The following SLC39A9 variants were observed in gnomAD, a reference collection of about 807,000 sequenced individuals.
SLC39A9 encodes solute carrier family 39 member 9.
Under a neutral mutation model 28.4 loss-of-function variants are expected in SLC39A9, and 14 were observed. The observed-to-expected ratio is 0.49, with a 90% CI of 0.33 to 0.77. The LOEUF is 0.77. SLC39A9 is among the 30% of genes least tolerant of loss of function. The pLI, the probability that SLC39A9 is intolerant of heterozygous loss-of-function variation, is 0.02. For synonymous variants in SLC39A9, 119 were observed against 149.6 expected, an observed-to-expected ratio of 0.80 and a Z score of 1.49; for missense variants, 283 against 381.1, an observed-to-expected ratio of 0.74 and a Z score of 2.14.
chr14:69,458,443 C>T lies in SLC39A9; in HGVS notation c.774C>T (p.Ala258=). 6.2e-7 allele frequency: 1 copy of T among 1,614,246 alleles called. No homozygotes were observed. Residue 258 remains alanine, a synonymous_variant, in exon 7 of 7, where the codon GCC becomes GCT. Coordinates refer to ENST00000336643, the MANE Select transcript of SLC39A9 (RefSeq NM_018375.5). Reference sequence around the variant, plus strand: ...CTGCCGGGACATTTCTTTATGTTGCCACAGTACATGTCCTCCCTGAGGTGG... The same window carrying T: ...CTGCCGGGACATTTCTTTATGTTGCTACAGTACATGTCCTCCCTGAGGTGG... ...LFSAGTFLYV[A]TVHVLPEVGG... is the part of the protein sequence containing the mutation.
chr14:69,447,678 A>G (rs1885398858), intron 3 of SLC39A9, among the ~76,000 whole-genome samples: 1 of 152,028 alleles, frequency 6.6e-6, no homozygotes, highest in South Asian at 2.1e-4. Flanking sequence ...TTGGGAGGCC[A>G]AGGTGGGTGG....
Position 69,461,965 on chromosome 14 carries a change from C to G in SLC39A9, c.*3372C>G. 2.3e-6 allele frequency: 1 copy of G among 425,984 alleles called. No individual in the cohort carries two copies. Among genetic ancestry groups the G allele is most frequent in the East Asian group, 3.4e-5 (1 of 29,644 alleles). 26.4% of individuals were successfully genotyped at this position (425,984 alleles called of 1,614,324 possible). On this transcript the variant is annotated 3_prime_UTR_variant, in exon 7 of 7. Transcript: ENST00000336643. Reference sequence around the variant, plus strand: ...AATTTCTGCTCAATACAGAATGGTCCACATCACCCAAAGTGCACTGTTGGA... The same window carrying G: ...AATTTCTGCTCAATACAGAATGGTCGACATCACCCAAAGTGCACTGTTGGA...
chr14:69,410,911 C>T (rs1186043147), intron 1 of SLC39A9, among the ~76,000 whole-genome samples: 4 of 151,642 alleles, frequency 2.6e-5, no homozygotes, highest in South Asian at 2.1e-4. Flanking sequence ...AAATGTTTTC[C>T]GTATCAAAAG....
chr14:69,438,541 G>A (rs775723426), intron 2 of SLC39A9, among the ~76,000 whole-genome samples: 4 of 152,038 alleles, frequency 2.6e-5, no homozygotes, highest in African/African-American at 4.8e-5. Flanking sequence ...TTACTCTTCT[G>A]TAATTATAGC....
intron 2 of SLC39A9, 177 bp from the exon 3 acceptor site, chr14:69,441,892 T>C: frequency 7.2e-7 from 1 of 1,388,408 alleles, no homozygotes. Flanking sequence ...CATTTGGGAA[T>C]TTTTTCATCA....
intron 1 of SLC39A9, among the ~76,000 whole-genome samples, chr14:69,420,258 G>A (rs920299067): frequency 5.9e-5 from 9 of 152,120 alleles, no homozygotes; most frequent in African/African-American, 2.2e-4. Flanking sequence ...CACTTATTAA[G>A]CTTAGTTTGG....
chr14:69,453,126 C>A, intron 3 of SLC39A9, 115 bp from the exon 4 acceptor site: 1 of 819,350 alleles, frequency 1.2e-6, no homozygotes, highest in Non-Finnish European at 2.0e-6. Context: ...CATTGGAGGT[C>A]AGGAGTTTGA....
intron 6 of SLC39A9, among the ~76,000 whole-genome samples, chr14:69,456,559 T>C (rs1422851068): frequency 1.3e-5 from 2 of 152,190 alleles, no homozygotes; most frequent in Non-Finnish European, 2.9e-5. Context: ...GAACATAGCT[T>C]CAGACCTGAG....
At chr14:69,409,730 A>G (rs561655312) in intron 1 of SLC39A9, among the ~76,000 whole-genome samples, 3 of 152,306 alleles carry the variant, frequency 2.0e-5, no homozygotes, top group South Asian at 2.1e-4. Flanking sequence ...TTTTGTCATG[A>G]TAATAGTGTT....
chr14:69,458,460 C>T lies in SLC39A9; in HGVS notation c.791C>T (p.Pro264Leu). Residue 264 changes from proline to leucine, a missense_variant, in exon 7 of 7, where the codon CCT becomes CTT. By Grantham distance (98) the Pro-to-Leu change is moderately conservative. Transcript: ENST00000336643. ...TATGTTGCCACAGTACATGTCCTCC[C>T]TGAGGTGGGCGGAATAGGGCACAGC... The part of the protein sequence containing the change: ...FLYVATVHVL[P>L]EVGGIGHSHK... 1 of 1,614,242 alleles carries T rather than the reference C, an allele frequency of 6.2e-7. No individual in the cohort carries two copies. Among genetic ancestry groups the T allele is most frequent in the Non-Finnish European group, 8.5e-7 (1 of 1,180,048 alleles).
intron 3 of SLC39A9, among the ~76,000 whole-genome samples, chr14:69,443,644 G>A (rs1253796946): frequency 1.3e-5 from 2 of 152,100 alleles, no homozygotes; most frequent in African/African-American, 2.4e-5. Context: ...CAAGATGGGC[G>A]GATCCTTTTG....
chr14:69,461,502 C>T lies in SLC39A9; in HGVS notation c.*2909C>T. 3 of 1,429,200 alleles carry T rather than the reference C, an allele frequency of 2.1e-6. No individual in the cohort carries two copies. The South Asian group carries it at 4.6e-5, about 22-fold the overall frequency. The allele number at this position is 1,429,200 out of a possible 1,614,324, so 88.5% of individuals were successfully genotyped here. Reference sequence around the variant, plus strand: ...AGAGGTTATGTGTTTTCTCTTTCTCCCCGCTTTCACCTCTTTCTTTCCCAA... The same window carrying T: ...AGAGGTTATGTGTTTTCTCTTTCTCTCCGCTTTCACCTCTTTCTTTCCCAA... On this transcript the variant is annotated 3_prime_UTR_variant, in exon 7 of 7. Transcript: ENST00000336643.
At chr14:69,457,871 C>A (rs960694984) in intron 6 of SLC39A9, among the ~76,000 whole-genome samples, 2 of 152,098 alleles carry the variant, frequency 1.3e-5, no homozygotes, top group Non-Finnish European at 2.9e-5. Context: ...CAACTCCAGC[C>A]TGGGCAACAT....
intron 1 of SLC39A9, among the ~76,000 whole-genome samples, chr14:69,420,192 G>A (rs1883805991): frequency 6.6e-6 from 1 of 152,128 alleles, no homozygotes; most frequent in South Asian, 2.1e-4. Context: ...AGGCAAGCCT[G>A]GTGGTGACAA....
chr14:69,423,005 A>G (rs1233305821), intron 1 of SLC39A9, among the ~76,000 whole-genome samples: 2 of 152,256 alleles, frequency 1.3e-5, no homozygotes, highest in East Asian at 1.9e-4. Context: ...TTAAAACCAC[A>G]GAAGAATTTT....
chr14:69,454,076 A>G (rs1399337613), intron 4 of SLC39A9, among the ~76,000 whole-genome samples: 2 of 152,322 alleles, frequency 1.3e-5, no homozygotes, highest in East Asian at 1.9e-4. Context: ...CTGACAGGGT[A>G]CACTTTAGAA....
chr14:69,451,730 TC>T (rs1245004421), intron 3 of SLC39A9, among the ~76,000 whole-genome samples: 1 of 152,206 alleles, frequency 6.6e-6, no homozygotes, highest in African/African-American at 2.4e-5. Flanking sequence ...TTTTAATTTT[TC>T]TTGAGACAAG....
intron 1 of SLC39A9, among the ~76,000 whole-genome samples, chr14:69,409,109 T>C (rs1883103191): frequency 6.6e-6 from 1 of 152,214 alleles, no homozygotes; most frequent in Non-Finnish European, 1.5e-5. Context: ...TAAAAGACGC[T>C]GTGGAAAATT....
chr14:69,434,073 C>T (rs71423359), intron 2 of SLC39A9, among the ~76,000 whole-genome samples: 13 of 139,280 alleles, frequency 9.3e-5, no homozygotes, highest in Admixed American at 5.2e-4. Context: ...GCATGTAATT[C>T]TTTTCTTTTC....
Sources: allele counts gnomAD v4.1 joint callset (sites outside exome capture counted in the v4.1 genomes callset), GRCh38; gene constraint gnomAD v4.1.1; transcripts MANE v1.5; gene names NCBI Gene and HGNC (gene_info 2026-07-23, HGNC 2026-07-21).